Variants in SPIDR observed in about 807,000 individuals in gnomAD.
The protein encoded by SPIDR is DNA repair-scaffolding protein.
In SPIDR, 93 loss-of-function variants were observed where a neutral mutation model predicts 104.6. The ratio of observed to expected loss-of-function variants is 0.89; its 90% CI spans 0.75 to 1.06. The LOEUF is 1.06. SPIDR is among the 50% of genes least tolerant of loss of function. The probability of loss-of-function intolerance (pLI) is 0.00; values close to 1 mark genes in which losing one functional copy is unlikely to be tolerated. For synonymous variants in SPIDR, 431 were observed against 416.9 expected (o/e 1.03, Z -0.41); for missense variants, 1,154 against 1,111.2 (o/e 1.04, Z -0.55).
intron 5 of SPIDR, among the ~76,000 whole-genome samples, chr8:47,329,705 A>G (rs1394765320): frequency 1.3e-5 from 2 of 152,126 alleles, no homozygotes; most frequent in Non-Finnish European, 1.5e-5. Context: ...TTATTAGTAT[A>G]ATTTTGTCTT....
intron 5 of SPIDR, among the ~76,000 whole-genome samples, chr8:47,306,581 G>C (rs1586688289): frequency 6.6e-6 from 1 of 152,118 alleles, no homozygotes; most frequent in Admixed American, 6.5e-5. Flanking sequence ...TGCTATTGTT[G>C]GGTACAGTGT....
rs1003333972 is a variant in SPIDR, at chr8:47,654,174, C to T, written c.1545-19627C>T. ...GGTGAGTGACATGATTAACTCTATT[C>T]GATAAGAAGGAGCACTGTAGCAGCA... On this transcript the variant is annotated intron_variant, in intron 10 of 19. Transcript: ENST00000297423. The T allele has an allele frequency of 2.7e-5, 35 of 1,289,398 alleles. 1 individual carries two copies. Among genetic ancestry groups the T allele is most frequent in the South Asian group, 1.5e-4 (12 of 81,024 alleles). The allele number at this position is 1,289,398 out of a possible 1,614,324, so 79.9% of individuals were successfully genotyped here.
intron 3 of SPIDR, among the ~76,000 whole-genome samples, chr8:47,286,588 C>T (rs1046555682): frequency 1.3e-5 from 2 of 151,874 alleles, no homozygotes; most frequent in African/African-American, 4.8e-5. Flanking sequence ...ACATCGCTTA[C>T]AAAAAATTAC....
chr8:47,555,573 G>A (rs965315626), intron 8 of SPIDR, among the ~76,000 whole-genome samples: 1 of 152,214 alleles, frequency 6.6e-6, no homozygotes. Flanking sequence ...AACAGCTGAA[G>A]TGTAATGGAA....
chr8:47,476,862 C>A (rs562937482), intron 8 of SPIDR, among the ~76,000 whole-genome samples: 60 of 152,218 alleles, frequency 3.9e-4, no homozygotes, highest in African/African-American at 1.3e-3. Context: ...GATCTGTTAA[C>A]AAGAAAAACA....
At chr8:47,550,640 G>C (rs985293912) in intron 8 of SPIDR, among the ~76,000 whole-genome samples, 3 of 152,194 alleles carry the variant, frequency 2.0e-5, no homozygotes, top group Admixed American at 6.5e-5. Flanking sequence ...CTTTGCTGCA[G>C]TTGCTTATCA....
At chr8:47,519,290 G>A (rs142155212) in intron 8 of SPIDR, among the ~76,000 whole-genome samples, 248 of 152,196 alleles carry the variant, frequency 1.6e-3, no homozygotes, top group African/African-American at 5.8e-3. Flanking sequence ...GATTACAGGC[G>A]CATGCCACCA....
At chr8:47,538,769 C>G (rs1394267288) in intron 8 of SPIDR, among the ~76,000 whole-genome samples, 1 of 149,618 alleles carries the variant, frequency 6.7e-6, no homozygotes, top group Non-Finnish European at 1.5e-5. Context: ...ATATTTTTCT[C>G]TTTATGAATA....
At chr8:47,569,612 T>C (rs2058290857) in intron 8 of SPIDR, among the ~76,000 whole-genome samples, 1 of 152,216 alleles carries the variant, frequency 6.6e-6, no homozygotes, top group Non-Finnish European at 1.5e-5. Flanking sequence ...TTACCACTTC[T>C]GTTGAATATT....
chr8:47,502,875 A>T (rs184577583), intron 8 of SPIDR, among the ~76,000 whole-genome samples: 6 of 152,142 alleles, frequency 3.9e-5, no homozygotes, highest in South Asian at 2.1e-4. Flanking sequence ...TCTTTATTTC[A>T]GCCTTCATTT....
intron 8 of SPIDR, among the ~76,000 whole-genome samples, chr8:47,486,574 GA>G (rs2077663009): frequency 6.6e-6 from 1 of 152,140 alleles, no homozygotes; most frequent in African/African-American, 2.4e-5. Flanking sequence ...TGAAATGGAG[GA>G]AAAAATGTTA....
intron 8 of SPIDR, among the ~76,000 whole-genome samples, chr8:47,459,244 T>G (rs1554711797): frequency 6.6e-6 from 1 of 152,172 alleles, no homozygotes; most frequent in African/African-American, 2.4e-5. Context: ...CTGGTAGAAT[T>G]CAGCTGTGAA....
chr8:47,487,823 A>G (rs909612461), intron 8 of SPIDR, among the ~76,000 whole-genome samples: 1 of 152,260 alleles, frequency 6.6e-6, no homozygotes, highest in Non-Finnish European at 1.5e-5. Context: ...CAAAGACACA[A>G]CATGCCAGAA....
intron 8 of SPIDR, among the ~76,000 whole-genome samples, chr8:47,518,821 A>G (rs1246907138): frequency 1.3e-5 from 2 of 151,304 alleles, no homozygotes; most frequent in South Asian, 2.1e-4. Context: ...ATTTTTAGTA[A>G]AGACAGGGTT....
In SPIDR at chr8:47,736,248, A is replaced by G. The variant is rs1230250412; in HGVS notation, c.*798A>G. ...CAGGCCATGGTTAACTACATCAGAT[A>G]CACGTAGCAGCCGTGACCAAGACAT... On this transcript the variant is annotated 3_prime_UTR_variant, in exon 20 of 20. Transcript: ENST00000297423. 1 of 152,310 alleles carries G rather than the reference A, an allele frequency of 6.6e-6. No homozygotes were observed. Among genetic ancestry groups the G allele is most frequent in the African/African-American group, 2.4e-5 (1 of 41,450 alleles). 9.4% of individuals were successfully genotyped at this position (152,310 alleles called of 1,614,324 possible).
rs922389274 is a variant in SPIDR at position 47,276,131 on chromosome 8, G to A, written c.34-3731G>A. ...CTGCGTTGGCCTCCCAAAGTGCTGGGGTTACAGGCATGAGCCACCATGCCT... is the reference window on the plus strand; with the variant it reads ...CTGCGTTGGCCTCCCAAAGTGCTGGAGTTACAGGCATGAGCCACCATGCCT... On this transcript the variant is annotated intron_variant, in intron 1 of 19. Transcript: ENST00000297423. Among the ~76,000 whole-genome samples the A allele has an allele frequency of 1.6e-3, 245 of 152,304 alleles. 2 individuals carry two copies. The highest frequency in any genetic ancestry group is 5.7e-3 in the African/African-American group (236 of 41,558).
At chr8:47,360,734 C>A in intron 5 of SPIDR, 2 of 600,372 alleles carry the variant, frequency 3.3e-6, no homozygotes, top group Non-Finnish European at 4.2e-6. Flanking sequence ...GCAGCTAGTT[C>A]AAATGAAAAA....
chr8:47,500,526 G>A (rs1166588549), intron 8 of SPIDR, among the ~76,000 whole-genome samples: 1 of 152,124 alleles, frequency 6.6e-6, no homozygotes, highest in Non-Finnish European at 1.5e-5. Flanking sequence ...TGAGTTCATT[G>A]TAGATTCTGG....
intron 8 of SPIDR, 133 bp from the exon 9 acceptor site, chr8:47,595,666 GAAGGACAGCTGT>G: frequency 2.9e-6 from 2 of 693,514 alleles, no homozygotes; most frequent in Non-Finnish European, 5.0e-6. Context: ...GCTGGAGCAT[GAAGGACAGCTGT>G]GCCTCTGTGG....
Sources: allele counts gnomAD v4.1 joint callset (sites outside exome capture counted in the v4.1 genomes callset), GRCh38; gene constraint gnomAD v4.1.1; transcripts MANE v1.5; gene names NCBI Gene and HGNC (gene_info 2026-07-23, HGNC 2026-07-21).